The following BRWD3 variants were observed in gnomAD, a reference collection of about 807,000 sequenced individuals.
BRWD3 encodes the protein bromodomain and WD repeat-containing protein 3.
In BRWD3, 10 loss-of-function variants were observed where a neutral mutation model predicts 149.7. The observed-to-expected ratio is 0.07, with a 90% CI of 0.04 to 0.11. The LOEUF (loss-of-function observed/expected upper bound fraction) is 0.11. Ranked by LOEUF, BRWD3 falls within the 10% of genes least tolerant of loss-of-function variation. The pLI, the probability that BRWD3 is intolerant of heterozygous loss-of-function variation, is 1.00. For missense variants in BRWD3, 940 were observed against 1,373.2 expected, an observed-to-expected ratio of 0.68 and a Z score of 4.99; for synonymous variants, 504 against 456.7, an observed-to-expected ratio of 1.10 and a Z score of -1.32.
At chrX:80,787,048 AG>A (rs1441885386) in intron 6 of BRWD3, among the ~76,000 whole-genome samples, 2 of 111,227 alleles carry the variant, frequency 1.8e-5, no homozygotes, top group Non-Finnish European at 3.8e-5. Flanking sequence ...CAAAACAAAA[AG>A]AAAAAAAAAA....
intron 25 of BRWD3, among the ~76,000 whole-genome samples, chrX:80,698,708 T>TGC (rs2072738377): frequency 1.1e-5 from 1 of 94,803 alleles, no homozygotes; most frequent in African/African-American, 3.9e-5. Flanking sequence ...GACTCTGTCT[T>TGC]AAAAAAAAAA....
rs778328654 is a variant in BRWD3 at position 80,753,394 on chromosome X, T to C, written c.431-7665A>G. On this transcript the variant is annotated intron_variant, in intron 6 of 40. Transcript: ENST00000373275. Reference sequence around the variant, plus strand: ...AAGCAATCCTCCTGCCTCAGCCTCCTGAGTAGCTGGGATTACAGGCGGCTG... The same window carrying C: ...AAGCAATCCTCCTGCCTCAGCCTCCCGAGTAGCTGGGATTACAGGCGGCTG... Among the ~76,000 whole-genome samples, 32 of 109,463 alleles carry C rather than the reference T, an allele frequency of 2.9e-4. No individual in the cohort carries two copies. In the Admixed American group the frequency reaches 3.1e-3, roughly 11 times the overall value.
Position 80,769,579 on chromosome X carries a change from A to G in BRWD3, c.430+22275T>C, listed in dbSNP as rs191071139. On this transcript the variant is annotated intron_variant, in intron 6 of 40. Coordinates refer to ENST00000373275, the MANE Select transcript of BRWD3 (RefSeq NM_153252.5). ...GATACAATGTACCAGAATCTCTGGG[A>G]CACATTTAAAGCAGTGTGTAGAGGG... Among the ~76,000 whole-genome samples, 265 of 111,830 alleles carry G rather than the reference A, an allele frequency of 2.4e-3. 2 individuals are homozygous for G. Among genetic ancestry groups the G allele is most frequent in the African/African-American group, 8.4e-3 (260 of 30,771 alleles).
At position 80,685,491 on chromosome X, in the gene BRWD3, C is replaced by T. The variant is rs775638823; in HGVS notation, c.4051G>A (p.Glu1351Lys). The change falls in exon 36 of 41, where the codon GAA becomes AAA. Residue 1351 changes from glutamate to lysine, a missense_variant. Around this residue, in one of 6 missense-constraint regions of BRWD3, gnomAD observed 349 missense variants for 419.6 expected, o/e 0.83. Transcript: ENST00000373275. Reference sequence around the variant, plus strand: ...GAAAGAGATGAATCTTGTTGTCTTTCTGGAACAACAGACTCTGAGGATTCT... The same window carrying T: ...GAAAGAGATGAATCTTGTTGTCTTTTTGGAACAACAGACTCTGAGGATTCT... ...EGESSESVVP[E>K]RQQDSSLSED... is the part of the protein sequence containing the mutation. 6 of 1,208,898 alleles carry T rather than the reference C, an allele frequency of 5.0e-6. No individual in the cohort carries two copies. Among genetic ancestry groups the T allele is most frequent in the Non-Finnish European group, 6.7e-6 (6 of 893,512 alleles).
chrX:80,728,950 C>A (rs775385929), intron 13 of BRWD3, 45 bp from the exon 14 acceptor site: 1 of 1,118,446 alleles, frequency 8.9e-7, no homozygotes. Context: ...AAATTTTTGA[C>A]AAAGGTGCAT....
chrX:80,800,717 T>C (rs1252298443), intron 4 of BRWD3, among the ~76,000 whole-genome samples: 1 of 110,146 alleles, frequency 9.1e-6, no homozygotes, highest in Non-Finnish European at 1.9e-5. Flanking sequence ...TAATGGTTGC[T>C]GAATTTGAAA....
intron 25 of BRWD3, among the ~76,000 whole-genome samples, chrX:80,699,274 A>G (rs2147706131): frequency 9.0e-6 from 1 of 111,428 alleles, no homozygotes; most frequent in African/African-American, 3.3e-5. Context: ...CTTCCTGTCA[A>G]GAATCATCAC....
intron 26 of BRWD3, among the ~76,000 whole-genome samples, 184 bp downstream of exon 26, chrX:80,696,554 AC>A (rs1255565747): frequency 1.1e-4 from 12 of 109,587 alleles, no homozygotes; most frequent in Non-Finnish European, 2.1e-4. Context: ...ACACACACAC[AC>A]ACACACACAA....
rs1234088480 is a variant in BRWD3 at position 80,719,571 on chromosome X, C to T, written c.1962G>A (p.Leu654=). ...ESILDGIIRE[L]QREQDLRLIN... is the part of the protein sequence containing the mutation. Reference sequence around the variant, plus strand: ...TTAGTCTCAGGTCTTGTTCTCTCTGCAGCTCCCTGATTATTCCATCAAGAA... The same window carrying T: ...TTAGTCTCAGGTCTTGTTCTCTCTGTAGCTCCCTGATTATTCCATCAAGAA... The change falls in exon 18 of 41, where the codon CTG becomes CTA. Residue 654 remains leucine, a synonymous_variant. Coordinates refer to ENST00000373275, the MANE Select transcript of BRWD3 (RefSeq NM_153252.5). 3.3e-6 allele frequency: 4 copies of T among 1,207,229 alleles called. No homozygotes were observed. The highest frequency in any genetic ancestry group is 5.9e-5 in the East Asian group (2 of 33,704).
At chrX:80,700,254 C>T (rs2072762016) in intron 24 of BRWD3, among the ~76,000 whole-genome samples, 190 bp from the exon 25 acceptor site, 1 of 106,333 alleles carries the variant, frequency 9.4e-6, no homozygotes. Flanking sequence ...TGCTCAGTAC[C>T]ACATCATATA....
intron 20 of BRWD3, chrX:80,710,736 T>C: frequency 3.7e-6 from 2 of 546,096 alleles, no homozygotes; most frequent in Non-Finnish European, 6.3e-6. Flanking sequence ...GTATGTATTA[T>C]CAAATATGTA....
At chrX:80,765,189 GA>G (rs1408757326) in intron 6 of BRWD3, among the ~76,000 whole-genome samples, 1 of 111,614 alleles carries the variant, frequency 9.0e-6, no homozygotes, top group East Asian at 2.8e-4. Context: ...CTATTAAACT[GA>G]AAGTTAAGAC....
intron 6 of BRWD3, among the ~76,000 whole-genome samples, chrX:80,776,280 G>A (rs1208084616): frequency 8.9e-6 from 1 of 111,734 alleles, no homozygotes; most frequent in Non-Finnish European, 1.9e-5. Context: ...AGAGTTGTTA[G>A]ACCACTAACT....
intron 6 of BRWD3, among the ~76,000 whole-genome samples, chrX:80,757,628 G>C (rs766813864): frequency 8.9e-6 from 1 of 111,953 alleles, no homozygotes; most frequent in East Asian, 2.8e-4. Context: ...AGAATCCATT[G>C]TCTCTTAGAT....
chrX:80,719,461 C>T (rs756543658), intron 18 of BRWD3, 28 bp downstream of exon 18: 7 of 1,155,239 alleles, frequency 6.1e-6, no homozygotes, highest in Non-Finnish European at 8.3e-6. Context: ...ACATAAACTA[C>T]ACCCTTTACA....
chrX:80,786,516 C>CTATATA (rs774404451), intron 6 of BRWD3, among the ~76,000 whole-genome samples: 2 of 104,568 alleles, frequency 1.9e-5, no homozygotes, highest in South Asian at 4.4e-4. Flanking sequence ...TTTAATTTGC[C>CTATATA]TATATATATA....
At chrX:80,718,164 A>G (rs144073655) in intron 18 of BRWD3, among the ~76,000 whole-genome samples, 47 of 111,759 alleles carry the variant, frequency 4.2e-4, no homozygotes, top group African/African-American at 1.4e-3. Flanking sequence ...CATCAATAAA[A>G]CTTTCAAAAA....
chrX:80,723,523 A>G (rs770564624), intron 16 of BRWD3, among the ~76,000 whole-genome samples: 5 of 110,343 alleles, frequency 4.5e-5, no homozygotes, highest in Non-Finnish European at 9.5e-5. Context: ...AGGAATGTTT[A>G]TATCTTCATC....
chrX:80,695,473 A>G (rs1477141835), intron 27 of BRWD3, among the ~76,000 whole-genome samples: 1 of 111,732 alleles, frequency 8.9e-6, no homozygotes, highest in East Asian at 2.8e-4. Context: ...TTTCCTTTAC[A>G]TTATTGCTAT....
Sources: gnomAD v4.1 joint callset for allele counts (sites outside exome capture counted in the v4.1 genomes callset) on GRCh38, gnomAD v4.1.1 for gene constraint, gnomAD v4.1.1 regional missense constraint, MANE v1.5 for transcripts, NCBI Gene and HGNC (gene_info 2026-07-23, HGNC 2026-07-21) for gene names.